The following ARHGEF7 variants were observed in gnomAD, a reference collection of about 807,000 sequenced individuals.
ARHGEF7 encodes PAK-interacting exchange factor beta.
ARHGEF7 carries 33 observed loss-of-function variants against 109.8 expected under a neutral mutation model. The observed-to-expected ratio is 0.30, with a 90% CI of 0.23 to 0.40. ARHGEF7 has a LOEUF of 0.40. Among genes scored for constraint, ARHGEF7 ranks in the 10% least tolerant of loss-of-function variants. The pLI is 1.00. For missense variants in ARHGEF7, 938 were observed against 1,098.5 expected, an observed-to-expected ratio of 0.85 and a Z score of 2.07; for synonymous variants, 458 against 424.6, an observed-to-expected ratio of 1.08 and a Z score of -0.97.
intron 20 of ARHGEF7, 111 bp from the exon 21 acceptor site, chr13:111,301,367 A>G (rs1385107550): frequency 1.6e-5 from 14 of 885,914 alleles, no homozygotes; most frequent in Non-Finnish European, 2.2e-5. Flanking sequence ...TGGGTAAGGC[A>G]GAGCAGCTCC....
chr13:111,209,842 T>C lies in ARHGEF7; in HGVS notation c.338-30T>C, dbSNP rs1282368235. ...GTGCGTGGTATCAGGCGCTCTCAGC[T>C]CTCTTTTTCTGTGTGCATGCTCTTT... On this transcript the variant is annotated intron_variant, in intron 3 of 21. Transcript: ENST00000646102. 3 of 1,607,974 alleles carry C rather than the reference T, an allele frequency of 1.9e-6. No homozygotes were observed. The Admixed American group carries it at 5.0e-5, about 27-fold the overall frequency.
intron 2 of ARHGEF7, among the ~76,000 whole-genome samples, chr13:111,189,459 T>C (rs1161654041): frequency 6.6e-6 from 1 of 152,188 alleles, no homozygotes; most frequent in Non-Finnish European, 1.5e-5. Context: ...CCGGAGTTGA[T>C]TCTTCCTCAG....
intron 19 of ARHGEF7, among the ~76,000 whole-genome samples, chr13:111,298,441 AAGGGCCCACCAGAAGGCAGCCC>A (rs2093474297): frequency 6.6e-6 from 1 of 152,100 alleles, no homozygotes; most frequent in Non-Finnish European, 1.5e-5. Flanking sequence ...GTTAGCCAGG[AAGGGCCCACCAGAAGGCAGCCC>A]AGGGCCCACT....
intron 8 of ARHGEF7, among the ~76,000 whole-genome samples, chr13:111,248,541 G>C (rs1023797317): frequency 1.3e-5 from 2 of 152,094 alleles, no homozygotes; most frequent in Admixed American, 6.6e-5. Context: ...GGATTTGCTC[G>C]TTGCTTTCTG....
chr13:111,208,708 T>G (rs2082162515), intron 3 of ARHGEF7, among the ~76,000 whole-genome samples: 1 of 152,164 alleles, frequency 6.6e-6, no homozygotes, highest in Admixed American at 6.5e-5. Flanking sequence ...TCAAGCAGAA[T>G]GTGCTCTATA....
At chr13:111,250,394 T>C (rs2089590306) in intron 8 of ARHGEF7, among the ~76,000 whole-genome samples, 1 of 152,192 alleles carries the variant, frequency 6.6e-6, no homozygotes, top group South Asian at 2.1e-4. Context: ...CTGGTGGAGC[T>C]TATAGTCTGG....
At chr13:111,261,301 C>CAAA (rs2091066000) in intron 8 of ARHGEF7, among the ~76,000 whole-genome samples, 1 of 151,436 alleles carries the variant, frequency 6.6e-6, no homozygotes, top group East Asian at 1.9e-4. Context: ...AAATAGGAAC[C>CAAA]AAAAAGAGCA....
chr13:111,135,011 C>A (rs1011470705), intron 1 of ARHGEF7, among the ~76,000 whole-genome samples: 4 of 152,130 alleles, frequency 2.6e-5, no homozygotes, highest in African/African-American at 9.7e-5. Flanking sequence ...TTCAGCTTTC[C>A]ACATATGGCT....
In ARHGEF7 at chr13:111,228,828, C is replaced by G. The variant is rs2085587638; in HGVS notation, c.671-4377C>G. 1.3e-5 allele frequency among the ~76,000 whole-genome samples: 2 copies of G among 152,008 alleles called. No individual in the cohort carries two copies. The highest frequency in any genetic ancestry group is 1.3e-4 in the Admixed American group (2 of 15,260). ...AAGGTCGGAAGAGGACGTGGGAATT[C>G]CGAGTTTTTCAGGGCCATGTCTGCT... On this transcript the variant is annotated intron_variant, in intron 5 of 21. Transcript: ENST00000646102. This position sits in a 1 kb window ranked among gnomAD's most constrained non-coding sequence, Gnocchi z 4.6.
chr13:111,115,515 C>T lies in ARHGEF7; in HGVS notation c.-12C>T, dbSNP rs2066670982. The T allele has an allele frequency of 3.0e-6, 4 of 1,323,948 alleles. No homozygotes were observed. Among genetic ancestry groups the T allele is most frequent in the South Asian group, 1.5e-5 (1 of 65,186 alleles). 82.0% of individuals were successfully genotyped at this position (1,323,948 alleles called of 1,614,324 possible). A position where few individuals can be genotyped will look rare whatever the true frequency, so the allele number is the denominator to read the frequency against. On this transcript the variant is annotated 5_prime_UTR_variant, in exon 1 of 22. Transcript: ENST00000646102. ...CGCGCGCCCCTCCCCGCCTGCCTCC[C>T]GGGCCGCAGCGATGAATTCCGCCGA...
chr13:111,173,266 T>C (rs1357937243), intron 2 of ARHGEF7, among the ~76,000 whole-genome samples: 1 of 152,172 alleles, frequency 6.6e-6, no homozygotes, highest in African/African-American at 2.4e-5. Flanking sequence ...CTGGGAGGGC[T>C]GGCCGGTCTC....
At chr13:111,208,768 G>A (rs1382567340) in intron 3 of ARHGEF7, among the ~76,000 whole-genome samples, 1 of 152,140 alleles carries the variant, frequency 6.6e-6, no homozygotes, top group South Asian at 2.1e-4. Context: ...TGTAGGGTGA[G>A]GGGGTGACCT....
intron 1 of ARHGEF7, among the ~76,000 whole-genome samples, chr13:111,142,060 T>A (rs1044599526): frequency 2.0e-5 from 3 of 152,250 alleles, no homozygotes; most frequent in African/African-American, 7.2e-5. Flanking sequence ...TTAATTTACA[T>A]TTCTTTTATA....
At chr13:111,201,264 T>C (rs1318432209) in intron 2 of ARHGEF7, among the ~76,000 whole-genome samples, 3 of 152,236 alleles carry the variant, frequency 2.0e-5, no homozygotes, top group Admixed American at 6.5e-5. Context: ...CTTCTAGCCA[T>C]TCTATTTTAT....
At chr13:111,198,689 G>A (rs967193999) in intron 2 of ARHGEF7, among the ~76,000 whole-genome samples, 4 of 152,204 alleles carry the variant, frequency 2.6e-5, no homozygotes, top group African/African-American at 9.7e-5. Context: ...TGGACCCAAA[G>A]AGTGAGCAGC....
chr13:111,142,133 T>G (rs1388407419), intron 1 of ARHGEF7, among the ~76,000 whole-genome samples: 2 of 152,256 alleles, frequency 1.3e-5, no homozygotes, highest in African/African-American at 4.8e-5. Context: ...TGTTGGTGTT[T>G]TTTTCAGATC....
intron 5 of ARHGEF7, among the ~76,000 whole-genome samples, chr13:111,220,891 A>T (rs1467722950): frequency 6.6e-6 from 1 of 151,730 alleles, no homozygotes; most frequent in African/African-American, 2.4e-5. Context: ...GGCCACACGG[A>T]ATCCATAGGT....
In ARHGEF7 at chr13:111,280,282, C is replaced by G. The variant is rs543968189; in HGVS notation, c.1517C>G (p.Pro506Arg). ...MSGFIYQGKL[P>R]TTGMTITKLE... ...GGGGGTCTTTTTTAGGGAAAGCTTC[C>G]AACGACAGGAATGACAATCACAAAG... The change falls in exon 14 of 22, where the codon CCA becomes CGA. Residue 506 changes from proline to arginine, a missense_variant. Transcript: ENST00000646102. The G allele has an allele frequency of 3.1e-6, 5 of 1,610,162 alleles. No homozygotes were observed. Among genetic ancestry groups the G allele is most frequent in the African/African-American group, 2.7e-5 (2 of 74,462 alleles).
At chr13:111,118,306 C>T (rs1201807651) in intron 1 of ARHGEF7, among the ~76,000 whole-genome samples, 1 of 152,222 alleles carries the variant, frequency 6.6e-6, no homozygotes, top group African/African-American at 2.4e-5. Context: ...GTGTCAGATT[C>T]TTCTGCTCAT....
Sources: allele counts gnomAD v4.1 joint callset (sites outside exome capture counted in the v4.1 genomes callset), GRCh38; gene constraint gnomAD v4.1.1; non-coding constraint Gnocchi (gnomAD v3.1); transcripts MANE v1.5; gene names NCBI Gene and HGNC (gene_info 2026-07-23, HGNC 2026-07-21).